Variants in NDUFAB1 observed in about 807,000 individuals in gnomAD.
The protein encoded by NDUFAB1 is NADH:ubiquinone oxidoreductase subunit AB1.
In NDUFAB1, 5 loss-of-function variants were observed where a neutral mutation model predicts 16.1. The ratio of observed to expected loss-of-function variants is 0.31; its 90% CI spans 0.16 to 0.65. The LOEUF is 0.65. Among genes scored for constraint, NDUFAB1 ranks in the 30% least tolerant of loss-of-function variants. The pLI, the probability that NDUFAB1 is intolerant of heterozygous loss-of-function variation, is 0.77. For synonymous variants in NDUFAB1, 85 were observed against 78.4 expected (o/e 1.08, Z -0.44); for missense variants, 187 against 205.3 (o/e 0.91, Z 0.54).
rs1025619753 is a variant in NDUFAB1, at chr16:23,586,492, G to A, written c.291+705C>T. Among the ~76,000 whole-genome samples, 3 of 151,314 alleles carry A rather than the reference G, an allele frequency of 2.0e-5. No individual in the cohort carries two copies. In the South Asian group the frequency reaches 6.3e-4, roughly 32 times the overall value. On this transcript the variant is annotated intron_variant, in intron 2 of 4. Transcript: ENST00000007516. ...TGGGATTACAGGTGTCTGCCACCAC[G>A]CCTGTCTAATTTGTGTATTTTTAGT...
At chr16:23,584,269 A>AAAAAAAAAAAAAAAAAAAAAAAAAAC (rs1555507448) in intron 3 of NDUFAB1, among the ~76,000 whole-genome samples, 1 of 138,388 alleles carries the variant, frequency 7.2e-6, no homozygotes. Context: ...AAAAAAAAAA[A>AAAAAAAAAAAAAAAAAAAAAAAAAAC]AAAAAGAAAC....
intron 1 of NDUFAB1, among the ~76,000 whole-genome samples, chr16:23,591,935 A>G (rs1966283798): frequency 6.6e-6 from 1 of 152,236 alleles, no homozygotes; most frequent in East Asian, 1.9e-4. Flanking sequence ...TGGGCTGGAA[A>G]TGCAAAGATG....
At chr16:23,590,843 G>T (rs9927764) in intron 1 of NDUFAB1, 21,958 of 151,866 alleles carry the variant, frequency 0.14, 1,767 homozygotes, top group African/African-American at 0.2. Context: ...TACCATGTTG[G>T]CCAGGCTGGT....
chr16:23,587,816 T>G (rs1222951616), intron 1 of NDUFAB1, among the ~76,000 whole-genome samples: 1 of 152,220 alleles, frequency 6.6e-6, no homozygotes, highest in African/African-American at 2.4e-5. Flanking sequence ...CCAGCAGTTA[T>G]CTCCCTGATC....
At chr16:23,595,347 T>G (rs1235393817) in intron 1 of NDUFAB1, 1 of 347,472 alleles carries the variant, frequency 2.9e-6, no homozygotes, top group South Asian at 2.1e-5. Context: ...TCAAGCTATA[T>G]ACTACAGGTA....
intron 1 of NDUFAB1, among the ~76,000 whole-genome samples, chr16:23,590,629 C>T (rs1027963572): frequency 9.3e-5 from 12 of 129,554 alleles, no homozygotes; most frequent in African/African-American, 3.9e-4. Flanking sequence ...ATGCTCCTGC[C>T]TCTGGTCTCT....
chr16:23,587,952 C>A (rs1283392282), intron 1 of NDUFAB1, among the ~76,000 whole-genome samples: 1 of 152,240 alleles, frequency 6.6e-6, no homozygotes, highest in Admixed American at 6.5e-5. Flanking sequence ...AACCATGAGC[C>A]CTTCTGGCCT....
intron 1 of NDUFAB1, chr16:23,590,893 T>A (rs1465902833): frequency 6.6e-6 from 1 of 152,370 alleles, no homozygotes; most frequent in East Asian, 1.9e-4. Flanking sequence ...CACCTCAGCC[T>A]CTCAAAGTGC....
intron 1 of NDUFAB1, among the ~76,000 whole-genome samples, chr16:23,590,291 G>A (rs1031406655): frequency 2.0e-5 from 3 of 152,152 alleles, no homozygotes; most frequent in African/African-American, 7.2e-5. Context: ...TAAGTTAGTG[G>A]GCAAGAGCTC....
chr16:23,588,917 G>A (rs1383089351), intron 1 of NDUFAB1, among the ~76,000 whole-genome samples: 3 of 152,170 alleles, frequency 2.0e-5, no homozygotes, highest in Non-Finnish European at 4.4e-5. Context: ...AGAGGTTGCA[G>A]TGAGCCGAGA....
chr16:23,595,178 A>G (rs578260263), intron 1 of NDUFAB1, among the ~76,000 whole-genome samples: 2 of 152,168 alleles, frequency 1.3e-5, no homozygotes, highest in Admixed American at 1.3e-4. Context: ...CTTGAACCTG[A>G]GAGGCGGAGG....
chr16:23,587,093 G>T, intron 2 of NDUFAB1, 104 bp downstream of exon 2: 1 of 1,193,348 alleles, frequency 8.4e-7, no homozygotes. Flanking sequence ...CTGGGTGTCT[G>T]GGAGCCAGGG....
chr16:23,587,455 C>T, intron 1 of NDUFAB1, 136 bp from the exon 2 acceptor site: 1 of 1,074,748 alleles, frequency 9.3e-7, no homozygotes, highest in South Asian at 1.6e-5. Flanking sequence ...ATTGTGGCCA[C>T]CAGGACACAC....
intron 4 of NDUFAB1, among the ~76,000 whole-genome samples, chr16:23,581,715 C>G (rs746859692): frequency 1.4e-5 from 2 of 141,878 alleles, no homozygotes; most frequent in East Asian, 3.9e-4. Flanking sequence ...TATATATACT[C>G]TCTTCAATTT....
At chr16:23,582,119 G>C (rs1966184494) in intron 4 of NDUFAB1, 157 bp downstream of exon 4, 2 of 817,362 alleles carry the variant, frequency 2.4e-6, no homozygotes, top group African/African-American at 3.6e-5. Context: ...CCAGGGCTGG[G>C]CCCCTTTGAG....
At chr16:23,588,460 A>C (rs1236579939) in intron 1 of NDUFAB1, among the ~76,000 whole-genome samples, 1 of 151,978 alleles carries the variant, frequency 6.6e-6, no homozygotes, top group Non-Finnish European at 1.5e-5. Context: ...TCTCAAAAAA[A>C]AGAAAAAGAA....
At position 23,585,394 on chromosome 16, in the gene NDUFAB1, G is replaced by A. The variant is rs1317222845; in HGVS notation, c.321C>T (p.Asp107=). 1 of 1,613,850 alleles carries A rather than the reference G, an allele frequency of 6.2e-7. No homozygotes were observed. The highest frequency in any genetic ancestry group is 8.5e-7 in the Non-Finnish European group (1 of 1,179,830). The change falls in exon 3 of 5, where the codon GAC becomes GAT. Residue 107 remains aspartate (D), a synonymous_variant. Transcript: ENST00000007516. ...CTTGGTCCAAACTGTCTAAGCCCAG[G>A]TCTTTCATAAAATGAGAATTTACTG... ...KLSVNSHFMK[D]LGLDSLDQVE...
chr16:23,582,721 C>CACGGTCTCCCTCTCCCT (rs1966191333), intron 3 of NDUFAB1, among the ~76,000 whole-genome samples: 1 of 150,608 alleles, frequency 6.6e-6, no homozygotes, highest in South Asian at 2.1e-4. Context: ...TCCCTCTCCC[C>CACGGTCTCCCTCTCCCT]ACGGTCTCCC....
chr16:23,584,081 C>G (rs978372989), intron 3 of NDUFAB1, among the ~76,000 whole-genome samples: 8 of 151,092 alleles, frequency 5.3e-5, no homozygotes, highest in Non-Finnish European at 1.0e-4. Flanking sequence ...AGAGTCATCA[C>G]CACTCCCTAA....
Sources: allele counts gnomAD v4.1 joint callset (sites outside exome capture counted in the v4.1 genomes callset), GRCh38; gene constraint gnomAD v4.1.1; transcripts MANE v1.5; gene names NCBI Gene and HGNC (gene_info 2026-07-23, HGNC 2026-07-21).